TRIM48: variants seen among roughly 807,000 people sequenced by gnomAD.
TRIM48 encodes the protein E3 ubiquitin-protein ligase TRIM48.
TRIM48 carries 31 observed loss-of-function variants against 29.5 expected under a neutral mutation model. The ratio of observed to expected loss-of-function variants is 1.05; its 90% CI spans 0.79 to 1.42. The LOEUF is 1.42. Ranked by LOEUF, TRIM48 falls within the 40% of genes most tolerant of loss-of-function variation. TRIM48 has a pLI of 0.00. For missense variants in TRIM48, 344 were observed against 265.0 expected (o/e 1.30, Z -2.07); for synonymous variants, 128 against 90.6 (o/e 1.41, Z -2.34).
In TRIM48 at chr11:55,265,532, C is replaced by G. The variant is rs1565077909; in HGVS notation, c.460-68C>G. 11 of 1,537,670 alleles carry G rather than the reference C, an allele frequency of 7.2e-6. 2 individuals carry two copies. The highest frequency in any genetic ancestry group is 9.7e-6 in the Non-Finnish European group (11 of 1,131,686). ...ATTTGTCTCTCATTCTGGGCCCCCT[C>G]CCAATGAAACGGTCTGTATGTTACT... On this transcript the variant is annotated intron_variant, in intron 2 of 5. Coordinates refer to ENST00000417545, the MANE Select transcript of TRIM48 (RefSeq NM_024114.5).
intron 4 of TRIM48, among the ~76,000 whole-genome samples, chr11:55,268,926 A>G (rs1204808016): frequency 1.4e-5 from 2 of 147,886 alleles, no homozygotes; most frequent in East Asian, 4.3e-4. Context: ...TCAGACAAAG[A>G]TGTCAGGGGA....
In TRIM48 at chr11:55,270,830, G is replaced by C; in HGVS notation, c.*395G>C. 1.3e-6 allele frequency: 2 copies of C among 1,573,684 alleles called. No homozygotes were observed. Among genetic ancestry groups the C allele is most frequent in the Non-Finnish European group, 1.7e-6 (2 of 1,157,382 alleles). ...GAATTATTCCTGGATTGTGAAGCTA[G>C]AACTGTGAGCTTCGTTGATGTTAGT... On this transcript the variant is annotated 3_prime_UTR_variant, in exon 6 of 6. Transcript: ENST00000417545.
At position 55,263,317 on chromosome 11, in the gene TRIM48, C is replaced by A. The variant is rs548237300; in HGVS notation, c.44+1006C>A. Among the ~76,000 whole-genome samples, 32 of 152,098 alleles carry A rather than the reference C, an allele frequency of 2.1e-4. No homozygotes were observed. The South Asian group carries it at 5.2e-3, about 25-fold the overall frequency. ...TACCATAGGTTTGTAGCAGGCTATA[C>A]CATCTAGGTTTGTAAAGGTAGATTC... On this transcript the variant is annotated intron_variant, in intron 1 of 5. Transcript: ENST00000417545.
intron 5 of TRIM48, 128 bp downstream of exon 5, chr11:55,269,467 T>C: frequency 1.6e-6 from 2 of 1,268,190 alleles, no homozygotes; most frequent in Admixed American, 4.5e-5. Flanking sequence ...AATATAATCA[T>C]GCAACCCTTT....
At chr11:55,267,722 C>T (rs1228751024) in intron 3 of TRIM48, 8 of 1,515,222 alleles carry the variant, frequency 5.3e-6, no homozygotes, top group Middle Eastern at 2.5e-4. Context: ...ATCTCCCTAC[C>T]TTTATTTCCA....
In TRIM48 at chr11:55,264,766, A is replaced by G. The variant is rs1357319970; in HGVS notation, c.45-134A>G. On this transcript the variant is annotated intron_variant, in intron 1 of 5. Transcript: ENST00000417545. ...TCTGTGTGAGATTTTTATTTTTGTT[A>G]CAGAAGAAATAGTTTGTTGTGCTTT... 7.9e-6 allele frequency: 11 copies of G among 1,393,810 alleles called. 1 individual carries two copies. The Admixed American group carries it at 8.9e-5, about 11-fold the overall frequency. The allele number at this position is 1,393,810 out of a possible 1,614,324, so 86.3% of individuals were successfully genotyped here.
rs146290222 is a variant in TRIM48, at chr11:55,265,133, C to T, written c.278C>T (p.Ala93Val). Reference sequence around the variant, plus strand: ...CGATTGAAGAAGATGGCTTCCCTTGCCAGAAAAGCCAGTCTCTGGCTATTC... The same window carrying T: ...CGATTGAAGAAGATGGCTTCCCTTGTCAGAAAAGCCAGTCTCTGGCTATTC... ...NIRLKKMASL[A>V]RKASLWLFLS... The change falls in exon 2 of 6, where the codon GCC becomes GTC. Residue 93 changes from alanine (A) to valine (V), a missense_variant. Ala to Val is a moderately conservative substitution (Grantham distance 64). Transcript: ENST00000417545. 1.9e-3 allele frequency: 3,080 copies of T among 1,582,694 alleles called. 296 individuals carry two copies. The highest frequency in any genetic ancestry group is 3.4e-3 in the Middle Eastern group (15 of 4,356).
rs1168262511 is a variant in TRIM48, at chr11:55,265,457, A to G, written c.459+143A>G. 2.4e-5 allele frequency: 36 copies of G among 1,484,358 alleles called. 3 individuals are homozygous for G. Among genetic ancestry groups the G allele is most frequent in the Middle Eastern group, 2.4e-4 (1 of 4,132 alleles). The allele number at this position is 1,484,358 out of a possible 1,614,324, so 91.9% of individuals were successfully genotyped here. A position where few individuals can be genotyped will look rare whatever the true frequency, so the allele number is the denominator to read the frequency against. ...GCTTTCTTAGCTTCAAACCTCTGAG[A>G]TTTGACGAGGAAGAAGTGAAACAGA... On this transcript the variant is annotated intron_variant, in intron 2 of 5. Transcript: ENST00000417545.
intron 1 of TRIM48, among the ~76,000 whole-genome samples, chr11:55,262,646 T>C (rs1156572656): frequency 6.6e-6 from 1 of 152,074 alleles, no homozygotes; most frequent in African/African-American, 2.4e-5. Context: ...ATTATACAAT[T>C]GAATTGAGAA....
chr11:55,270,496 A>C lies in TRIM48; in HGVS notation c.*61A>C, dbSNP rs563461555. The C allele has an allele frequency of 1.7e-5, 26 of 1,573,662 alleles. 3 individuals are homozygous for C. The African/African-American group carries it at 2.3e-4, about 14-fold the overall frequency. ...TCATATCTTCCGATGTGGAGATTTG[A>C]GAAGCATTTGTATTGGATGTGACCG... On this transcript the variant is annotated 3_prime_UTR_variant, in exon 6 of 6. Coordinates refer to ENST00000417545, the MANE Select transcript of TRIM48 (RefSeq NM_024114.5).
chr11:55,271,058 T>C lies in TRIM48; in HGVS notation c.*623T>C. Reference sequence around the variant, plus strand: ...CGGTTTTATGTCTTGAATTGCATTCTAATGTTATTAAAACTCATTTATTGT... The same window carrying C: ...CGGTTTTATGTCTTGAATTGCATTCCAATGTTATTAAAACTCATTTATTGT... On this transcript the variant is annotated 3_prime_UTR_variant, in exon 6 of 6. Coordinates refer to ENST00000417545, the MANE Select transcript of TRIM48 (RefSeq NM_024114.5). 4.8e-6 allele frequency: 6 copies of C among 1,249,202 alleles called. 1 individual carries two copies. The highest frequency in any genetic ancestry group is 6.5e-6 in the Non-Finnish European group (6 of 926,022). The allele number at this position is 1,249,202 out of a possible 1,614,324, so 77.4% of individuals were successfully genotyped here.
chr11:55,262,337 T>A, intron 1 of TRIM48, 26 bp downstream of exon 1: 1 of 1,485,078 alleles, frequency 6.7e-7, no homozygotes. Context: ...ATTGATAAAA[T>A]TATATCTTCT....
chr11:55,263,339 A>G (rs1464454573), intron 1 of TRIM48, among the ~76,000 whole-genome samples: 1 of 152,056 alleles, frequency 6.6e-6, no homozygotes, highest in African/African-American at 2.4e-5. Flanking sequence ...GTAAAGGTAG[A>G]TTCTATCATG....
rs902805739 is a variant in TRIM48, at chr11:55,270,646, G to A, written c.*211G>A. The A allele has an allele frequency of 3.2e-6, 5 of 1,580,378 alleles. No homozygotes were observed. The highest frequency in any genetic ancestry group is 4.3e-6 in the Non-Finnish European group (5 of 1,163,116). Reference sequence around the variant, plus strand: ...GGACTCTTGGAATTGGGCTTTTGGTGTCTGTAATAAGTATTGGAAAGGGAA... The same window carrying A: ...GGACTCTTGGAATTGGGCTTTTGGTATCTGTAATAAGTATTGGAAAGGGAA... On this transcript the variant is annotated 3_prime_UTR_variant, in exon 6 of 6. Transcript: ENST00000417545.
intron 1 of TRIM48, among the ~76,000 whole-genome samples, chr11:55,264,198 A>G (rs772831745): frequency 1.5e-5 from 2 of 133,944 alleles, no homozygotes; most frequent in Non-Finnish European, 3.3e-5. Context: ...GGAGAAGTTA[A>G]TTCAATCCAA....
At position 55,271,039 on chromosome 11, in the gene TRIM48, T is replaced by C; in HGVS notation, c.*604T>C. The stretch of plus-strand genomic sequence containing the variant: ...CAAACAGGACAAATAGGTTCGGTTT[T>C]ATGTCTTGAATTGCATTCTAATGTT... On this transcript the variant is annotated 3_prime_UTR_variant, in exon 6 of 6. Coordinates refer to ENST00000417545, the MANE Select transcript of TRIM48 (RefSeq NM_024114.5). 2.9e-6 allele frequency: 4 copies of C among 1,376,746 alleles called. 1 individual carries two copies. The highest frequency in any genetic ancestry group is 3.9e-6 in the Non-Finnish European group (4 of 1,028,020). 85.3% of individuals were successfully genotyped at this position (1,376,746 alleles called of 1,614,324 possible).
At chr11:55,263,422 G>A (rs1249075153) in intron 1 of TRIM48, among the ~76,000 whole-genome samples, 3 of 151,996 alleles carry the variant, frequency 2.0e-5, no homozygotes, top group Non-Finnish European at 2.9e-5. Flanking sequence ...GGAGGCCGTG[G>A]CAGGCAGATC....
At chr11:55,263,520 G>T (rs866425688) in intron 1 of TRIM48, among the ~76,000 whole-genome samples, 3 of 151,934 alleles carry the variant, frequency 2.0e-5, no homozygotes, top group Admixed American at 6.6e-5. Context: ...AAATTTGCCG[G>T]GTGTAGTGGC....
chr11:55,263,728 T>A (rs750587324), intron 1 of TRIM48, among the ~76,000 whole-genome samples: 1 of 152,136 alleles, frequency 6.6e-6, no homozygotes, highest in Admixed American at 6.6e-5. Flanking sequence ...AAGCTACACA[T>A]GATTCTACAC....
Sources: allele counts gnomAD v4.1 joint callset (sites outside exome capture counted in the v4.1 genomes callset), GRCh38; gene constraint gnomAD v4.1.1; transcripts MANE v1.5; gene names NCBI Gene and HGNC (gene_info 2026-07-23, HGNC 2026-07-21).